Variants in KPNA1 observed in about 807,000 individuals in gnomAD.
The protein encoded by KPNA1 is karyopherin subunit alpha 1.
Under a neutral mutation model 70.5 loss-of-function variants are expected in KPNA1, and 10 were observed. The observed-to-expected ratio is 0.14, with a 90% CI of 0.09 to 0.24. The LOEUF is 0.24. Among genes scored for constraint, KPNA1 ranks in the 10% least tolerant of loss-of-function variants. KPNA1 has a pLI of 1.00. For missense variants in KPNA1, 397 were observed against 637.9 expected (o/e 0.62, Z 4.07); for synonymous variants, 192 against 221.9 (o/e 0.87, Z 1.20).
At chr3:122,429,978 G>T (rs2107714885) in intron 12 of KPNA1, among the ~76,000 whole-genome samples, 1 of 151,848 alleles carries the variant, frequency 6.6e-6, no homozygotes, top group South Asian at 2.1e-4. Flanking sequence ...ATGTCTGACT[G>T]AGTTATTTCA....
intron 6 of KPNA1, among the ~76,000 whole-genome samples, chr3:122,452,568 A>AGGAG (rs1306609969): frequency 1.1e-4 from 3 of 27,244 alleles, no homozygotes; most frequent in Non-Finnish European, 2.0e-4. Flanking sequence ...GAGGGAGGGA[A>AGGAG]GGAGGGAAGG....
intron 2 of KPNA1, among the ~76,000 whole-genome samples, chr3:122,481,719 G>A (rs1042828782): frequency 5.3e-5 from 8 of 152,226 alleles, no homozygotes; most frequent in Non-Finnish European, 8.8e-5. Context: ...GCCAATGCTA[G>A]CTAACAGAAA....
At chr3:122,467,224 G>T in intron 3 of KPNA1, 98 bp downstream of exon 3, 1 of 556,880 alleles carries the variant, frequency 1.8e-6, no homozygotes, top group Non-Finnish European at 3.2e-6. Context: ...GAAATGCCAA[G>T]TACTTTTTGT....
At chr3:122,513,154 G>A (rs912473702) in intron 1 of KPNA1, among the ~76,000 whole-genome samples, 3 of 152,184 alleles carry the variant, frequency 2.0e-5, no homozygotes, top group Non-Finnish European at 4.4e-5. Flanking sequence ...GGGTTCTAAG[G>A]TTGTTCTCAA....
chr3:122,453,342 T>C (rs2076232065), intron 6 of KPNA1, among the ~76,000 whole-genome samples: 1 of 152,108 alleles, frequency 6.6e-6, no homozygotes, highest in Admixed American at 6.6e-5. Context: ...GAATGTCAGG[T>C]TTGGAAGGGG....
At chr3:122,495,115 T>C (rs1206210053) in intron 2 of KPNA1, among the ~76,000 whole-genome samples, 1 of 151,692 alleles carries the variant, frequency 6.6e-6, no homozygotes, top group African/African-American at 2.4e-5. Flanking sequence ...CTGGGTGTGG[T>C]GGCACGCGCC....
intron 2 of KPNA1, among the ~76,000 whole-genome samples, chr3:122,485,798 C>T (rs61254912): frequency 0.014 from 2,179 of 151,944 alleles, 56 homozygotes; most frequent in African/African-American, 0.05. Flanking sequence ...TAAATGTTCG[C>T]ACCACAAAGA....
chr3:122,444,223 C>T (rs1337332149), intron 9 of KPNA1, among the ~76,000 whole-genome samples: 3 of 152,220 alleles, frequency 2.0e-5, no homozygotes, highest in Admixed American at 2.0e-4. Context: ...GGTTATCTCC[C>T]TTGTTCCCTG....
chr3:122,511,570 C>G (rs1457454757), intron 1 of KPNA1, among the ~76,000 whole-genome samples: 1 of 152,162 alleles, frequency 6.6e-6, no homozygotes, highest in East Asian at 1.9e-4. Context: ...TGTACAACCT[C>G]AAAATTTTCT....
At chr3:122,446,891 C>G (rs1243156162) in intron 9 of KPNA1, among the ~76,000 whole-genome samples, 1 of 152,212 alleles carries the variant, frequency 6.6e-6, no homozygotes, top group East Asian at 1.9e-4. Context: ...ACTATCAACA[C>G]CTCTACACAA....
At chr3:122,428,888 C>T (rs2075860038) in intron 12 of KPNA1, among the ~76,000 whole-genome samples, 1 of 152,076 alleles carries the variant, frequency 6.6e-6, no homozygotes, top group Non-Finnish European at 1.5e-5. Flanking sequence ...GCCAGCACTT[C>T]CCCAATACCA....
chr3:122,441,948 A>C, intron 10 of KPNA1, 90 bp downstream of exon 10: 1 of 983,986 alleles, frequency 1.0e-6, no homozygotes, highest in Non-Finnish European at 1.6e-6. Context: ...TTCCCTAATA[A>C]TATGGAGTAA....
chr3:122,472,299 C>A (rs1268247984), intron 2 of KPNA1, among the ~76,000 whole-genome samples: 1 of 151,702 alleles, frequency 6.6e-6, no homozygotes, highest in Admixed American at 6.6e-5. Context: ...TTAAAAAAAA[C>A]CCAAGTACTT....
chr3:122,449,691 T>G lies in KPNA1; in HGVS notation c.800A>C (p.Asp267Ala). The G allele has an allele frequency of 6.2e-7, 1 of 1,613,644 alleles. No individual in the cohort carries two copies. The highest frequency in any genetic ancestry group is 8.5e-7 in the Non-Finnish European group (1 of 1,179,808). Reference protein sequence around the residue: ...NVLSWLLFVSDTDVLADACWA... With the variant: ...NVLSWLLFVSATDVLADACWA... ...GCAGGCATCAGCCAGTACATCAGTG[T>G]CACTGACAAACAGCAACCAGGAAAG... The change falls in exon 9 of 14, where the codon GAC (aspartate) becomes GCC (alanine). Residue 267 changes from aspartate to alanine, a missense_variant. Physicochemically the swap from Asp to Ala is moderately radical, Grantham distance 126 (BLOSUM62 -2). Transcript: ENST00000344337.
chr3:122,466,447 T>TA (rs1256976658), intron 3 of KPNA1, among the ~76,000 whole-genome samples: 10 of 151,878 alleles, frequency 6.6e-5, no homozygotes, highest in African/African-American at 1.2e-4. Context: ...ATTTTCTTTT[T>TA]AAAAAAACTG....
At chr3:122,478,160 C>CAAA (rs566764177) in intron 2 of KPNA1, among the ~76,000 whole-genome samples, 1 of 75,562 alleles carries the variant, frequency 1.3e-5, no homozygotes, top group Non-Finnish European at 2.5e-5. Context: ...GATGCTGTCT[C>CAAA]AAAAAAAAAA....
rs534417493 is a variant in KPNA1, at chr3:122,427,980, CTTAT to C, written c.1251-268_1251-265del. 1.8e-3 allele frequency among the ~76,000 whole-genome samples: 269 copies of C among 152,272 alleles called. 1 individual carries two copies. Among genetic ancestry groups the C allele is most frequent in the Non-Finnish European group, 3.4e-3 (229 of 68,022 alleles). ...TGCATTCCAAAAACAGGAATACTTA[CTTAT>C]TAATACCTTGAAATGAGCGACTCAT... is the stretch of plus-strand genomic sequence containing the variant. On this transcript the variant is annotated intron_variant, in intron 12 of 13. Coordinates refer to ENST00000344337, the MANE Select transcript of KPNA1 (RefSeq NM_002264.4).
intron 6 of KPNA1, among the ~76,000 whole-genome samples, chr3:122,453,579 C>A (rs527380879): frequency 6.6e-6 from 1 of 152,036 alleles, no homozygotes; most frequent in South Asian, 2.1e-4. Context: ...TCTCGTCACC[C>A]AGGCTGGAGT....
intron 12 of KPNA1, 56 bp downstream of exon 12, chr3:122,433,605 T>A (rs368933672): frequency 1.4e-6 from 2 of 1,464,916 alleles, no homozygotes; most frequent in Non-Finnish European, 1.8e-6. Flanking sequence ...TATAAAGTGA[T>A]AGACACAATA....
Sources: allele counts gnomAD v4.1 joint callset (sites outside exome capture counted in the v4.1 genomes callset), GRCh38; gene constraint gnomAD v4.1.1; transcripts MANE v1.5; gene names NCBI Gene and HGNC (gene_info 2026-07-23, HGNC 2026-07-21).